The following PUM1 variants were observed in gnomAD, a reference collection of about 807,000 sequenced individuals.
The protein encoded by PUM1 is pumilio homolog 1.
PUM1 carries 13 observed loss-of-function variants against 131.8 expected under a neutral mutation model. The observed-to-expected ratio is 0.10, with a 90% CI of 0.06 to 0.16. The LOEUF (loss-of-function observed/expected upper bound fraction) is 0.16, where lower values mean the gene tolerates loss of function less well. Among genes scored for constraint, PUM1 ranks in the 10% least tolerant of loss-of-function variants. The pLI is 1.00. For missense variants in PUM1, 961 were observed against 1,512.4 expected (o/e 0.64, Z 6.05); for synonymous variants, 509 against 556.5 (o/e 0.91, Z 1.20).
intron 7 of PUM1, among the ~76,000 whole-genome samples, chr1:30,983,405 T>G (rs1013321352): frequency 6.6e-6 from 1 of 152,188 alleles, no homozygotes; most frequent in African/African-American, 2.4e-5. Flanking sequence ...TCTACCCTTC[T>G]TTGCCCTACT....
chr1:31,005,794 AGAGAGAGAG>A lies in PUM1; in HGVS notation c.720+50_720+58del. The A allele has an allele frequency of 7.4e-4, 73 of 98,384 alleles. No homozygotes were observed. The South Asian group carries it at 0.01, about 14-fold the overall frequency. The allele number at this position is 98,384 out of a possible 1,614,324, so 6.1% of individuals were successfully genotyped here. A position where few individuals can be genotyped will look rare whatever the true frequency, so the allele number is the denominator to read the frequency against. ...ATGTTTTGCTTTAGGGGAAAAAAAG[AGAGAGAGAG>A]AGAGAGAGAGAGAGAGAGAGATAGG... On this transcript the variant is annotated intron_variant, in intron 5 of 21. Coordinates refer to ENST00000426105, the MANE Select transcript of PUM1 (RefSeq NM_001020658.2).
At chr1:31,041,828 T>A (rs928841319) in intron 2 of PUM1, among the ~76,000 whole-genome samples, 2 of 152,114 alleles carry the variant, frequency 1.3e-5, no homozygotes, top group Non-Finnish European at 2.9e-5. Flanking sequence ...CAGTCTCCTA[T>A]ATTCCTTTAT....
At chr1:30,978,824 C>T (rs1165148436) in intron 9 of PUM1, among the ~76,000 whole-genome samples, 1 of 152,076 alleles carries the variant, frequency 6.6e-6, no homozygotes, top group Non-Finnish European at 1.5e-5. Flanking sequence ...ATAGGCTGGG[C>T]ACAGTGGCTC....
chr1:30,992,255 T>C, intron 7 of PUM1, 135 bp downstream of exon 7: 1 of 1,193,168 alleles, frequency 8.4e-7, no homozygotes, highest in Admixed American at 2.5e-5. Context: ...CCTACATCAC[T>C]AACAGGTTCA....
At chr1:31,028,549 T>C (rs950242269) in intron 3 of PUM1, among the ~76,000 whole-genome samples, 3 of 152,240 alleles carry the variant, frequency 2.0e-5, no homozygotes, top group African/African-American at 7.2e-5. Flanking sequence ...ACATTAATAT[T>C]CAATAATTTG....
intron 14 of PUM1, among the ~76,000 whole-genome samples, chr1:30,955,360 G>A (rs1476652088): frequency 1.3e-5 from 2 of 150,462 alleles, no homozygotes; most frequent in East Asian, 3.9e-4. Context: ...CCAGCTACTT[G>A]GGAGGCTGAG....
chr1:30,954,061 G>A (rs932486005), intron 14 of PUM1, 80 bp from the exon 15 acceptor site: 30 of 1,394,794 alleles, frequency 2.2e-5, no homozygotes, highest in South Asian at 1.0e-4. Context: ...TCCCACACCC[G>A]AAAGCCTGCA....
chr1:30,965,456 T>A (rs146052960), intron 13 of PUM1, among the ~76,000 whole-genome samples: 1 of 152,306 alleles, frequency 6.6e-6, no homozygotes, highest in East Asian at 1.9e-4. Context: ...TCTGCAATTA[T>A]CCCATTATTC....
rs768861857 is a variant in PUM1 at position 31,028,861 on chromosome 1, G to A, written c.367C>T (p.Arg123Cys). The A allele has an allele frequency of 8.1e-6, 13 of 1,612,868 alleles. No homozygotes were observed. The highest frequency in any genetic ancestry group is 1.1e-5 in the Non-Finnish European group (13 of 1,179,172). The change falls in exon 3 of 22, where the codon CGT becomes TGT. Residue 123 changes from arginine (R) to cysteine (C), a missense_variant. By Grantham distance (180) the Arg-to-Cys change is radical. This residue lies in a region of PUM1 where 654 missense variants were observed against 923.9 expected (regional missense o/e 0.71). Transcript: ENST00000426105. ...TCATGATTCAGTTCATCCATGGAAC[G>A]CACCTATTGTTTAGAATAGAGAAGG... ...GDNIHAEHQV[R>C]SMDELNHDFQ...
At position 30,957,623 on chromosome 1, in the gene PUM1, C is replaced by T. The variant is rs567639041; in HGVS notation, c.2324-3642G>A. ...AATGTTTTATTTAAATTAATAAGTG[C>T]TTCAGCTATTTTGCATAATTGTATA... On this transcript the variant is annotated intron_variant, in intron 14 of 21. Coordinates refer to ENST00000426105, the MANE Select transcript of PUM1 (RefSeq NM_001020658.2). Among the ~76,000 whole-genome samples, 58 of 152,294 alleles carry T rather than the reference C, an allele frequency of 3.8e-4. 1 individual carries two copies. In the South Asian group the frequency reaches 0.012, roughly 30 times the overall value.
intron 3 of PUM1, among the ~76,000 whole-genome samples, chr1:31,010,335 T>G (rs1642565202): frequency 6.6e-6 from 1 of 152,200 alleles, no homozygotes; most frequent in Non-Finnish European, 1.5e-5. Flanking sequence ...CCCCTTCCCC[T>G]GACTGTGGGC....
At chr1:31,040,000 A>C (rs1643767784) in intron 2 of PUM1, among the ~76,000 whole-genome samples, 1 of 152,198 alleles carries the variant, frequency 6.6e-6, no homozygotes, top group Admixed American at 6.5e-5. Context: ...AAATAATAAT[A>C]ATAAATATTA....
At chr1:30,981,802 A>C (rs1641368284) in intron 7 of PUM1, 1 of 153,752 alleles carries the variant, frequency 6.5e-6, no homozygotes, top group Admixed American at 6.5e-5. Context: ...GCCTGATCCA[A>C]GGCAAAGTTA....
intron 1 of PUM1, 59 bp from the exon 2 acceptor site, chr1:31,059,636 C>T (rs898747116): frequency 6.6e-5 from 99 of 1,508,274 alleles, no homozygotes; most frequent in Non-Finnish European, 8.1e-5. Context: ...ATAAAACACA[C>T]TAAGATAAAA....
At chr1:30,941,759 C>A (rs569675908) in intron 19 of PUM1, among the ~76,000 whole-genome samples, 1 of 152,190 alleles carries the variant, frequency 6.6e-6, no homozygotes, top group East Asian at 1.9e-4. Context: ...AAGGTGACAC[C>A]ACAAGTACAT....
At chr1:31,037,637 T>C (rs1643655603) in intron 2 of PUM1, among the ~76,000 whole-genome samples, 1 of 151,446 alleles carries the variant, frequency 6.6e-6, no homozygotes, top group African/African-American at 2.4e-5. Context: ...GGATAACTGC[T>C]TGAACCAAGG....
In PUM1 at chr1:30,952,884, G is replaced by A. The variant is rs578002447; in HGVS notation, c.2592-521C>T. On this transcript the variant is annotated intron_variant, in intron 15 of 21. Coordinates refer to ENST00000426105, the MANE Select transcript of PUM1 (RefSeq NM_001020658.2). ...TCAGCTACTCGGGAGGCTGAAGCAGGAGAATGGCGTGAACCCGGGAGGCAG... is the reference window on the plus strand; with the variant it reads ...TCAGCTACTCGGGAGGCTGAAGCAGAAGAATGGCGTGAACCCGGGAGGCAG... Among the ~76,000 whole-genome samples, 28 of 152,088 alleles carry A rather than the reference G, an allele frequency of 1.8e-4. No individual in the cohort carries two copies. The East Asian group carries it at 5.2e-3, about 28-fold the overall frequency.
At chr1:30,981,123 G>C (rs563204467) in intron 8 of PUM1, among the ~76,000 whole-genome samples, 189 bp downstream of exon 8, 1 of 152,296 alleles carries the variant, frequency 6.6e-6, no homozygotes, top group South Asian at 2.1e-4. Flanking sequence ...GTTATGATGC[G>C]GGTCTACAAG....
chr1:31,014,396 G>A (rs542326292), intron 3 of PUM1, among the ~76,000 whole-genome samples: 3 of 151,392 alleles, frequency 2.0e-5, no homozygotes, highest in South Asian at 4.2e-4. Context: ...TGTAACCCCA[G>A]CACTTTAGGA....
Sources: gnomAD v4.1 joint callset for allele counts (sites outside exome capture counted in the v4.1 genomes callset) on GRCh38, gnomAD v4.1.1 for gene constraint, gnomAD v4.1.1 regional missense constraint, MANE v1.5 for transcripts, NCBI Gene and HGNC (gene_info 2026-07-23, HGNC 2026-07-21) for gene names.